Variants in MDGA2 observed in about 807,000 individuals in gnomAD.
MDGA2 encodes MAM domain-containing glycosylphosphatidylinositol anchor protein 2.
In MDGA2, 40 loss-of-function variants were observed where a neutral mutation model predicts 117.8. The ratio of observed to expected loss-of-function variants is 0.34; its 90% CI spans 0.26 to 0.44. MDGA2 has a LOEUF of 0.44. MDGA2 is among the 20% of genes least tolerant of loss of function. The pLI is 1.00. For missense variants in MDGA2, 1,123 were observed against 1,250.6 expected, an observed-to-expected ratio of 0.90 and a Z score of 1.54; for synonymous variants, 452 against 439.0, an observed-to-expected ratio of 1.03 and a Z score of -0.37.
chr14:47,631,851 G>A (rs979279840), intron 1 of MDGA2, among the ~76,000 whole-genome samples: 5 of 151,782 alleles, frequency 3.3e-5, no homozygotes, highest in Admixed American at 1.3e-4. Context: ...CCTGCAGGCC[G>A]CACGTGGCCC....
intron 2 of MDGA2, among the ~76,000 whole-genome samples, chr14:47,292,844 C>T (rs543626292): frequency 1.1e-3 from 172 of 152,276 alleles, no homozygotes; most frequent in African/African-American, 4.0e-3. Flanking sequence ...GTCAGCTACC[C>T]TTGTATTTCA....
At chr14:47,516,087 A>G (rs193224098) in intron 1 of MDGA2, among the ~76,000 whole-genome samples, 28 of 152,284 alleles carry the variant, frequency 1.8e-4, no homozygotes, top group African/African-American at 6.3e-4. Context: ...TTTCTTAGGC[A>G]CAAAGTCCAT....
intron 1 of MDGA2, among the ~76,000 whole-genome samples, chr14:47,453,817 G>C (rs1192075090): frequency 2.0e-5 from 3 of 152,148 alleles, no homozygotes; most frequent in South Asian, 2.1e-4. Context: ...AGCTAAAGAG[G>C]TGGAAGCAGT....
chr14:47,421,737 C>A (rs961618366), intron 1 of MDGA2, among the ~76,000 whole-genome samples: 1 of 151,990 alleles, frequency 6.6e-6, no homozygotes, highest in Non-Finnish European at 1.5e-5. Context: ...AAGACTAAAG[C>A]TGTTTATTAC....
chr14:47,527,910 T>A (rs1019451375), intron 1 of MDGA2, among the ~76,000 whole-genome samples: 1 of 152,162 alleles, frequency 6.6e-6, no homozygotes, highest in African/African-American at 2.4e-5. Flanking sequence ...AAAAGCCAAA[T>A]AAGTTCTTTA....
chr14:47,508,146 C>T (rs976862141), intron 1 of MDGA2, among the ~76,000 whole-genome samples: 1 of 152,186 alleles, frequency 6.6e-6, no homozygotes, highest in Non-Finnish European at 1.5e-5. Flanking sequence ...AACAAGGCTA[C>T]AATTCAAATA....
At chr14:47,133,509 T>C (rs953727553) in intron 4 of MDGA2, among the ~76,000 whole-genome samples, 2 of 151,976 alleles carry the variant, frequency 1.3e-5, no homozygotes, top group African/African-American at 4.8e-5. Context: ...TAACCTCACT[T>C]TATAACATTT....
intron 1 of MDGA2, among the ~76,000 whole-genome samples, chr14:47,426,676 A>C (rs1892697011): frequency 7.1e-6 from 1 of 141,486 alleles, no homozygotes; most frequent in African/African-American, 2.6e-5. Context: ...CACACATTAT[A>C]TATATCATTT....
chr14:47,388,142 A>G (rs1414642898), intron 1 of MDGA2, among the ~76,000 whole-genome samples: 1 of 151,570 alleles, frequency 6.6e-6, no homozygotes, highest in Non-Finnish European at 1.5e-5. Flanking sequence ...TGTTTTGATT[A>G]TTTGTATTTT....
intron 2 of MDGA2, among the ~76,000 whole-genome samples, chr14:47,258,322 C>T (rs1887688387): frequency 6.6e-6 from 1 of 152,016 alleles, no homozygotes; most frequent in Admixed American, 6.6e-5. Context: ...GCTGCAGAGG[C>T]TCAGGAAACT....
intron 3 of MDGA2, among the ~76,000 whole-genome samples, chr14:47,181,390 T>C (rs1266728936): frequency 6.6e-6 from 1 of 152,172 alleles, no homozygotes; most frequent in Non-Finnish European, 1.5e-5. Context: ...TGTCCATCAA[T>C]GATAGACTGG....
chr14:47,509,581 C>G (rs1404132221), intron 1 of MDGA2, among the ~76,000 whole-genome samples: 1 of 152,134 alleles, frequency 6.6e-6, no homozygotes, highest in Non-Finnish European at 1.5e-5. Flanking sequence ...AGACAGAGAG[C>G]CACTGGGGTG....
chr14:47,513,049 T>C (rs1894674872), intron 1 of MDGA2, among the ~76,000 whole-genome samples: 1 of 152,114 alleles, frequency 6.6e-6, no homozygotes, highest in Non-Finnish European at 1.5e-5. Flanking sequence ...CACCATTTGC[T>C]ATTATATATA....
chr14:47,008,796 T>C (rs1887798317), intron 8 of MDGA2, among the ~76,000 whole-genome samples: 2 of 152,120 alleles, frequency 1.3e-5, no homozygotes, highest in South Asian at 4.1e-4. Context: ...CTATCAGATC[T>C]CACACTCCAG....
chr14:46,970,176 T>C (rs1886209627), intron 8 of MDGA2, among the ~76,000 whole-genome samples: 1 of 151,864 alleles, frequency 6.6e-6, no homozygotes, highest in South Asian at 2.1e-4. Flanking sequence ...CAATATCATT[T>C]TTCACAGAAT....
chr14:47,129,599 A>G (rs1882093655), intron 5 of MDGA2, among the ~76,000 whole-genome samples: 1 of 149,620 alleles, frequency 6.7e-6, no homozygotes, highest in South Asian at 2.1e-4. Context: ...TCCTTTGGGT[A>G]TATACCCAGT....
rs568509164 is a variant in MDGA2, at chr14:47,266,116, G to C, written c.420+35295C>G. Among the ~76,000 whole-genome samples the C allele has an allele frequency of 2.2e-4, 33 of 152,290 alleles. No homozygotes were observed. The South Asian group carries it at 6.4e-3, about 30-fold the overall frequency. ...TCAATGTATAGGTGGACAAAGAGAT[G>C]TAGTTTAAATAGACTAAGTAACTAG... is the stretch of plus-strand genomic sequence containing the variant. On this transcript the variant is annotated intron_variant, in intron 2 of 16. Coordinates refer to ENST00000399232, the MANE Select transcript of MDGA2 (RefSeq NM_001113498.3).
intron 14 of MDGA2, among the ~76,000 whole-genome samples, chr14:46,872,294 T>C (rs992972454): frequency 1.3e-5 from 2 of 152,024 alleles, no homozygotes; most frequent in Non-Finnish European, 2.9e-5. Flanking sequence ...TATTAATTTA[T>C]ATAAAGACAC....
chr14:47,400,089 GA>G, intron 1 of MDGA2, among the ~76,000 whole-genome samples: 1 of 151,974 alleles, frequency 6.6e-6, no homozygotes, highest in South Asian at 2.1e-4. Flanking sequence ...ATCATAAACA[GA>G]AAAAAAATTC....
Sources: allele counts gnomAD v4.1 joint callset (sites outside exome capture counted in the v4.1 genomes callset), GRCh38; gene constraint gnomAD v4.1.1; transcripts MANE v1.5; gene names NCBI Gene and HGNC (gene_info 2026-07-23, HGNC 2026-07-21).